The following SLC35F4 variants were observed in gnomAD, a reference collection of about 807,000 sequenced individuals.
SLC35F4 encodes solute carrier family 35 member F4, also known as chromosome 14 open reading frame 36.
Under a neutral mutation model 44.2 loss-of-function variants are expected in SLC35F4, and 24 were observed. The ratio of observed to expected loss-of-function variants is 0.54; its 90% CI spans 0.39 to 0.76. The LOEUF is 0.76. Among genes scored for constraint, SLC35F4 ranks in the 30% least tolerant of loss-of-function variants. SLC35F4 has a pLI of 0.00. For missense variants in SLC35F4, 562 were observed against 586.1 expected (o/e 0.96, Z 0.42); for synonymous variants, 238 against 223.6 (o/e 1.06, Z -0.57).
At position 57,729,700 on chromosome 14, in the gene SLC35F4, C is replaced by T. The variant is rs931550335; in HGVS notation, c.104-135576G>A. Among the ~76,000 whole-genome samples, 13 of 152,262 alleles carry T rather than the reference C, an allele frequency of 8.5e-5. No individual in the cohort carries two copies. The East Asian group carries it at 2.3e-3, about 27-fold the overall frequency. ...GAGGGATGCACAAGCACTCCCTTAG[C>T]CATGCCAGCTGCTGTCTCCCTAGGT... On this transcript the variant is annotated intron_variant, in intron 1 of 7. Coordinates refer to ENST00000556826, the MANE Select transcript of SLC35F4 (RefSeq NM_001306087.2).
At chr14:57,594,681 T>C (rs1439419146) in intron 1 of SLC35F4, among the ~76,000 whole-genome samples, 1 of 152,254 alleles carries the variant, frequency 6.6e-6, no homozygotes, top group African/African-American at 2.4e-5. Flanking sequence ...TTTTCCACTC[T>C]ACCCTTTTCT....
chr14:57,954,463 C>CA (rs1890200496), intron 1 of SLC35F4, among the ~76,000 whole-genome samples: 1 of 151,896 alleles, frequency 6.6e-6, no homozygotes, highest in Admixed American at 6.6e-5. Context: ...TAAAACCCTT[C>CA]AAAAAATCAA....
At chr14:57,589,090 C>T in intron 3 of SLC35F4, 126 bp downstream of exon 3, 1 of 1,038,130 alleles carries the variant, frequency 9.6e-7, no homozygotes, top group Non-Finnish European at 1.4e-6. Flanking sequence ...TGCTCGTCTC[C>T]AACCTTAGAT....
At chr14:57,937,561 AAAG>A (rs1183893930) in intron 1 of SLC35F4, among the ~76,000 whole-genome samples, 2 of 97,132 alleles carry the variant, frequency 2.1e-5, no homozygotes, top group African/African-American at 3.2e-5. Context: ...GAAGGAAAGA[AAAG>A]AAAAGAAAAG....
At chr14:57,600,721 C>CAAAAAAA (rs1566668126) in intron 1 of SLC35F4, among the ~76,000 whole-genome samples, 8 of 129,784 alleles carry the variant, frequency 6.2e-5, no homozygotes, top group African/African-American at 2.3e-4. Flanking sequence ...AAAAAAAAAC[C>CAAAAAAA]AAAAAGATAA....
intron 3 of SLC35F4, among the ~76,000 whole-genome samples, chr14:57,583,571 C>T (rs1477163555): frequency 2.0e-5 from 3 of 152,154 alleles, no homozygotes; most frequent in Non-Finnish European, 4.4e-5. Context: ...GTATTCCAGA[C>T]AGACAGAGCC....
intron 1 of SLC35F4, chr14:57,630,263 C>T: frequency 3.6e-6 from 2 of 553,492 alleles, no homozygotes; most frequent in East Asian, 3.7e-5. Context: ...ATTCTAGAAG[C>T]CAAAGTTGTA....
chr14:57,697,432 G>C (rs1278722696), intron 1 of SLC35F4, among the ~76,000 whole-genome samples: 1 of 152,122 alleles, frequency 6.6e-6, no homozygotes, highest in East Asian at 1.9e-4. Context: ...AGGCACAGTT[G>C]CTCATGCTTG....
At chr14:57,895,860 A>G (rs1329218397) in intron 1 of SLC35F4, among the ~76,000 whole-genome samples, 1 of 152,078 alleles carries the variant, frequency 6.6e-6, no homozygotes, top group African/African-American at 2.4e-5. Flanking sequence ...GGCGGGTTTC[A>G]TGTTCTTTGT....
In SLC35F4 at chr14:57,892,078, G is replaced by C. The variant is rs1165930912; in HGVS notation, n.282+89835C>G. 2.0e-5 allele frequency among the ~76,000 whole-genome samples: 3 copies of C among 152,272 alleles called. No individual in the cohort carries two copies. The East Asian group carries it at 5.8e-4, about 29-fold the overall frequency. Reference sequence around the variant, plus strand: ...TGGGAATCATCTTTCAAAAATTCATGTGTTCATTTATTACTCAATTCCCTT... The same window carrying C: ...TGGGAATCATCTTTCAAAAATTCATCTGTTCATTTATTACTCAATTCCCTT... On this transcript the variant is annotated intron_variant and non_coding_transcript_variant, in intron 1 of 1. Coordinates refer to the SLC35F4 transcript ENST00000556568.
At chr14:57,621,464 A>T (rs1228977137) in intron 1 of SLC35F4, among the ~76,000 whole-genome samples, 1 of 152,066 alleles carries the variant, frequency 6.6e-6, no homozygotes, top group Non-Finnish European at 1.5e-5. Context: ...TGGTACCAAA[A>T]CAGAGATATA....
At chr14:57,868,254 T>C (rs538200831), upstream of SLC35F4, among the ~76,000 whole-genome samples, 1 of 152,326 alleles carries the variant, frequency 6.6e-6, no homozygotes, top group East Asian at 1.9e-4. Flanking sequence ...TAATCATCTG[T>C]AATAGGATGA....
chr14:57,836,527 G>T (rs1884945431), intron 1 of SLC35F4, among the ~76,000 whole-genome samples: 1 of 152,078 alleles, frequency 6.6e-6, no homozygotes, highest in African/African-American at 2.4e-5. Flanking sequence ...TCCTAAGCTC[G>T]TGATCCGCCT....
At chr14:57,625,478 G>C (rs751581125) in intron 1 of SLC35F4, among the ~76,000 whole-genome samples, 1 of 152,112 alleles carries the variant, frequency 6.6e-6, no homozygotes, top group South Asian at 2.1e-4. Flanking sequence ...AATCAAAAAA[G>C]AGCCCACATA....
intron 1 of SLC35F4, among the ~76,000 whole-genome samples, chr14:57,947,155 T>G (rs1890050029): frequency 6.6e-6 from 1 of 152,196 alleles, no homozygotes; most frequent in Non-Finnish European, 1.5e-5. Flanking sequence ...TATGATTTCT[T>G]TCAGCAGTGT....
upstream of SLC35F4, chr14:57,982,179 T>A (rs1474015493): frequency 2.0e-5 from 3 of 152,174 alleles, no homozygotes; most frequent in Non-Finnish European, 4.4e-5. Context: ...AAAGGGCAGA[T>A]TTTTTAGCTA....
At chr14:57,799,846 G>A (rs2078147795) in intron 1 of SLC35F4, among the ~76,000 whole-genome samples, 1 of 152,218 alleles carries the variant, frequency 6.6e-6, no homozygotes, top group African/African-American at 2.4e-5. Flanking sequence ...TCTATGGACA[G>A]AGCTCTGATC....
At chr14:57,973,945 C>T (rs1301824179), downstream of SLC35F4, among the ~76,000 whole-genome samples, 2 of 152,186 alleles carry the variant, frequency 1.3e-5, no homozygotes, top group Non-Finnish European at 2.9e-5. Flanking sequence ...ATCACCATCA[C>T]TCTCCAAAAC....
At chr14:57,784,417 C>G (rs556330455) in intron 1 of SLC35F4, among the ~76,000 whole-genome samples, 108 of 152,322 alleles carry the variant, frequency 7.1e-4, no homozygotes, top group Admixed American at 1.4e-3. Context: ...GGTGTACTGG[C>G]TCATGCCTGT....
Sources: gnomAD v4.1 joint callset for allele counts (sites outside exome capture counted in the v4.1 genomes callset) on GRCh38, gnomAD v4.1.1 for gene constraint, MANE v1.5 for transcripts, NCBI Gene and HGNC (gene_info 2026-07-23, HGNC 2026-07-21) for gene names.